The following ZNF236 variants were observed in gnomAD, a reference collection of about 807,000 sequenced individuals.
ZNF236 encodes zinc finger protein 236, also known as regulated by glucose.
ZNF236 carries 50 observed loss-of-function variants against 191.2 expected under a neutral mutation model. The ratio of observed to expected loss-of-function variants is 0.26; its 90% confidence interval spans 0.21 to 0.33. The LOEUF (loss-of-function observed/expected upper bound fraction) is 0.33, where lower values mean the gene tolerates loss of function less well. Ranked by LOEUF, ZNF236 falls within the 10% of genes least tolerant of loss-of-function variation. The pLI is 1.00. For missense variants in ZNF236, 1,754 were observed against 2,374.5 expected (o/e 0.74, Z 5.43); for synonymous variants, 907 against 928.8 (o/e 0.98, Z 0.43).
intron 5 of ZNF236, among the ~76,000 whole-genome samples, chr18:76,872,426 C>A (rs1171679310): frequency 1.3e-5 from 2 of 152,248 alleles, no homozygotes; most frequent in African/African-American, 4.8e-5. Flanking sequence ...GATCGTGCCA[C>A]TGCACTCCAG....
At chr18:76,856,195 T>C (rs1280827797) in intron 3 of ZNF236, among the ~76,000 whole-genome samples, 1 of 139,604 alleles carries the variant, frequency 7.2e-6, no homozygotes, top group Non-Finnish European at 1.6e-5. Flanking sequence ...TTTTCTTTTC[T>C]TTTTTTTTTT....
chr18:76,970,566 T>A lies in ZNF236; in HGVS notation c.*2227T>A, dbSNP rs186400021. ...ACTTGAATCTTTGTGGGGTACAGGT[T>A]GATCTTTATATTTTACTGGTTGTTT... is the stretch of plus-strand genomic sequence containing the variant. On this transcript the variant is annotated 3_prime_UTR_variant, in exon 31 of 31. Transcript: ENST00000320610. 1 of 152,788 alleles carries A rather than the reference T, an allele frequency of 6.5e-6. No individual in the cohort carries two copies. The highest frequency in any genetic ancestry group is 1.9e-4 in the East Asian group (1 of 5,190). The allele number at this position is 152,788 out of a possible 1,614,324, so 9.5% of individuals were successfully genotyped here.
At position 76,829,524 on chromosome 18, in the gene ZNF236, C is replaced by T. The variant is rs950194900; in HGVS notation, c.55+6862C>T. Among the ~76,000 whole-genome samples, 6 of 152,204 alleles carry T rather than the reference C, an allele frequency of 3.9e-5. 1 individual carries two copies. The highest frequency in any genetic ancestry group is 1.4e-4 in the African/African-American group (6 of 41,534). ...TGTATTTTTTGTAGAGATGGGGTTT[C>T]GCCATGTTACTCAAGCTGGTCTCAA... On this transcript the variant is annotated intron_variant, in intron 1 of 30. Coordinates refer to ENST00000320610, the MANE Select transcript of ZNF236 (RefSeq NM_001306089.2).
At position 76,960,715 on chromosome 18, in the gene ZNF236, C is replaced by G. The variant is rs772823233; in HGVS notation, c.5279C>G (p.Ala1760Gly). The change falls in exon 30 of 31, where the codon GCC becomes GGC. Residue 1760 changes from alanine to glycine, a missense_variant. Transcript: ENST00000320610. The surrounding 1 kb of genome is among the most constrained non-coding windows in gnomAD (Gnocchi z 4.4). ...TTCCATTGCACGCTTTGTGAGAAAG[C>G]CTTCAACCAGAAGAGTGCGCTGCAG... is the stretch of plus-strand genomic sequence containing the variant. Reference protein sequence around the residue: ...RPFHCTLCEKAFNQKSALQVH... With the variant: ...RPFHCTLCEKGFNQKSALQVH... 1.9e-6 allele frequency: 3 copies of G among 1,614,178 alleles called. No homozygotes were observed. In the South Asian group the frequency reaches 3.3e-5, roughly 18 times the overall value.
chr18:76,934,742 G>A (rs1967950209), intron 25 of ZNF236, among the ~76,000 whole-genome samples: 1 of 152,206 alleles, frequency 6.6e-6, no homozygotes, highest in South Asian at 2.1e-4. Context: ...GCTTGGGAAC[G>A]AGGGGCTACC....
At chr18:76,846,002 C>A (rs929007527) in intron 1 of ZNF236, among the ~76,000 whole-genome samples, 1 of 152,168 alleles carries the variant, frequency 6.6e-6, no homozygotes, top group Admixed American at 6.5e-5. Context: ...TGTGTGGAGA[C>A]GTGTGCATAT....
intron 3 of ZNF236, among the ~76,000 whole-genome samples, chr18:76,867,577 C>T (rs1278242157): frequency 6.6e-6 from 1 of 152,124 alleles, no homozygotes; most frequent in African/African-American, 2.4e-5. Flanking sequence ...AGTTTATGCT[C>T]ATTGACAGGT....
At chr18:76,942,876 G>A (rs79833278) in intron 26 of ZNF236, among the ~76,000 whole-genome samples, 21,115 of 149,382 alleles carry the variant, frequency 0.14, 3,204 homozygotes, top group African/African-American at 0.38. Context: ...TAAAACCTAG[G>A]ACTTTGGGAG....
chr18:76,897,899 A>G (rs1977482244), intron 10 of ZNF236, among the ~76,000 whole-genome samples: 1 of 152,204 alleles, frequency 6.6e-6, no homozygotes, highest in East Asian at 1.9e-4. Context: ...TCTCTTCTAT[A>G]GGCTGGGCAT....
chr18:76,887,477 A>G (rs569779), intron 9 of ZNF236: 143,669 of 152,330 alleles, frequency 0.94, 67,822 homozygotes, highest in Non-Finnish European at 0.96. Context: ...ACGTGCTTCT[A>G]TTAACCCAGT....
chr18:76,901,292 A>G (rs1321281873), intron 11 of ZNF236, among the ~76,000 whole-genome samples: 3 of 152,250 alleles, frequency 2.0e-5, no homozygotes, highest in African/African-American at 4.8e-5. Context: ...ACAGATACAA[A>G]TGAGGTAACA....
intron 27 of ZNF236, among the ~76,000 whole-genome samples, chr18:76,950,024 C>T (rs544316077): frequency 2.6e-5 from 4 of 152,158 alleles, no homozygotes; most frequent in South Asian, 2.1e-4. Flanking sequence ...AAAATGCTAA[C>T]GATCACCTGA....
At chr18:76,882,928 C>T (rs1976938858) in intron 9 of ZNF236, among the ~76,000 whole-genome samples, 1 of 152,190 alleles carries the variant, frequency 6.6e-6, no homozygotes, top group African/African-American at 2.4e-5. Context: ...TGTGCGAGTG[C>T]CCGCCTGAGC....
At chr18:76,947,718 TG>T in intron 27 of ZNF236, 66 bp downstream of exon 27, 3 of 1,562,606 alleles carry the variant, frequency 1.9e-6, no homozygotes, top group Non-Finnish European at 1.7e-6. Flanking sequence ...TCAGAAGGGA[TG>T]GTGGTAGAGG....
chr18:76,919,828 G>A lies in ZNF236; in HGVS notation c.3327G>A (p.Lys1109=). 1 of 1,614,224 alleles carries A rather than the reference G, an allele frequency of 6.2e-7. No individual in the cohort carries two copies. The highest frequency in any genetic ancestry group is 1.6e-4 in the Middle Eastern group (1 of 6,062). Residue 1109 remains lysine (K), a synonymous_variant, in exon 20 of 31, where the codon AAG becomes AAA. Coordinates refer to ENST00000320610, the MANE Select transcript of ZNF236 (RefSeq NM_001306089.2). The surrounding 1 kb of genome is among the most constrained non-coding windows in gnomAD (Gnocchi z 5.3). ...EEHSDRNASR[K]SRPEVITFTE... ...ATTCTGACAGAAATGCATCACGGAA[G>A]TCTCGTCCTGAGGTCATCACTTTCA... is the stretch of plus-strand genomic sequence containing the variant.
intron 3 of ZNF236, among the ~76,000 whole-genome samples, chr18:76,861,756 T>G (rs1976235042): frequency 6.6e-6 from 1 of 152,224 alleles, no homozygotes; most frequent in South Asian, 2.1e-4. Context: ...GTATCACTAT[T>G]GTTAGAGATA....
chr18:76,933,600 T>C (rs1338594889), intron 25 of ZNF236, among the ~76,000 whole-genome samples: 1 of 152,048 alleles, frequency 6.6e-6, no homozygotes, highest in African/African-American at 2.4e-5. Flanking sequence ...TTGGGTGACA[T>C]TATAAAATAA....
At position 76,972,035 on chromosome 18, in the gene ZNF236, C is replaced by T. The variant is rs1456040083; in HGVS notation, c.*3696C>T. Among the ~76,000 whole-genome samples the T allele has an allele frequency of 6.6e-6, 1 of 152,182 alleles. No individual in the cohort carries two copies. Among genetic ancestry groups the T allele is most frequent in the Non-Finnish European group, 1.5e-5 (1 of 68,024 alleles). On this transcript the variant is annotated 3_prime_UTR_variant, in exon 31 of 31. Coordinates refer to ENST00000320610, the MANE Select transcript of ZNF236 (RefSeq NM_001306089.2). ...GTGAGGCAGAGATGAGATTATGCGG[C>T]GGATACTTCTGAAGGAAGCGTTCTT...
intron 6 of ZNF236, among the ~76,000 whole-genome samples, chr18:76,877,456 G>A (rs184868588): frequency 6.7e-4 from 102 of 151,456 alleles, no homozygotes; most frequent in Non-Finnish European, 1.3e-3. Flanking sequence ...GCAGTGAGCC[G>A]AGATCACGCT....
Sources: gnomAD v4.1 joint callset for allele counts (sites outside exome capture counted in the v4.1 genomes callset) on GRCh38, gnomAD v4.1.1 for gene constraint, Gnocchi (gnomAD v3.1) non-coding constraint, MANE v1.5 for transcripts, NCBI Gene and HGNC (gene_info 2026-07-23, HGNC 2026-07-21) for gene names.